The following HDAC9 variants were observed in gnomAD, a reference collection of about 807,000 sequenced individuals.
HDAC9 encodes histone deacetylase 9.
In HDAC9, 41 loss-of-function variants were observed where a neutral mutation model predicts 139.4. That is an observed-to-expected ratio of 0.29 (90% CI 0.23 to 0.38). The LOEUF (loss-of-function observed/expected upper bound fraction) is 0.38, where lower values mean the gene tolerates loss of function less well. Among genes scored for constraint, HDAC9 ranks in the 10% least tolerant of loss-of-function variants. The pLI, the probability that HDAC9 is intolerant of heterozygous loss-of-function variation, is 1.00. For synonymous variants in HDAC9, 517 were observed against 476.2 expected (o/e 1.09, Z -1.12); for missense variants, 1,147 against 1,297.0 (o/e 0.88, Z 1.78).
chr7:18,359,459 G>T (rs1050724766), intron 1 of HDAC9, among the ~76,000 whole-genome samples: 1 of 152,136 alleles, frequency 6.6e-6, no homozygotes, highest in Non-Finnish European at 1.5e-5. Context: ...CCACTAACCT[G>T]CTTTTCCTCA....
At chr7:18,766,407 T>C (rs1789835862) in intron 15 of HDAC9, among the ~76,000 whole-genome samples, 1 of 152,186 alleles carries the variant, frequency 6.6e-6, no homozygotes, top group African/African-American at 2.4e-5. Context: ...TTCTAAGAGA[T>C]ACTCACAATT....
intron 2 of HDAC9, among the ~76,000 whole-genome samples, chr7:18,196,968 A>G (rs550713763): frequency 3.3e-5 from 5 of 152,322 alleles, no homozygotes; most frequent in Non-Finnish European, 5.9e-5. Flanking sequence ...TGAGGCTGAC[A>G]TTTAAATCAG....
At chr7:18,794,159 C>A (rs1792574945) in intron 17 of HDAC9, among the ~76,000 whole-genome samples, 1 of 152,112 alleles carries the variant, frequency 6.6e-6, no homozygotes, top group Non-Finnish European at 1.5e-5. Flanking sequence ...ATGCAGTTAC[C>A]CCAATAAACT....
intron 22 of HDAC9, among the ~76,000 whole-genome samples, chr7:18,912,804 A>G (rs1014888332): frequency 1.3e-5 from 2 of 152,116 alleles, no homozygotes; most frequent in East Asian, 1.9e-4. Flanking sequence ...GTAATCCCCT[A>G]TTACTCAGAA....
At chr7:18,647,309 C>A (rs1355311569) in intron 9 of HDAC9, among the ~76,000 whole-genome samples, 1 of 152,098 alleles carries the variant, frequency 6.6e-6, no homozygotes, top group South Asian at 2.1e-4. Flanking sequence ...TGGTTTACAA[C>A]ATAATGATTT....
At chr7:18,686,117 G>T (rs1332698622) in intron 12 of HDAC9, among the ~76,000 whole-genome samples, 2 of 151,990 alleles carry the variant, frequency 1.3e-5, no homozygotes, top group African/African-American at 2.4e-5. Flanking sequence ...AGGTTGAGAG[G>T]CTGGCTTGGA....
intron 2 of HDAC9, among the ~76,000 whole-genome samples, chr7:18,229,044 G>A (rs941376520): frequency 6.6e-6 from 1 of 152,140 alleles, no homozygotes; most frequent in Non-Finnish European, 1.5e-5. Context: ...AATTACAAAT[G>A]CAAAATTAGT....
intron 1 of HDAC9, among the ~76,000 whole-genome samples, chr7:18,370,112 C>T (rs892830656): frequency 3.9e-5 from 6 of 152,104 alleles, no homozygotes; most frequent in South Asian, 2.1e-4. Flanking sequence ...ATGAATGGAG[C>T]GCAGGCTATT....
At chr7:18,646,312 C>T (rs1389543912) in intron 9 of HDAC9, among the ~76,000 whole-genome samples, 1 of 152,004 alleles carries the variant, frequency 6.6e-6, no homozygotes, top group Non-Finnish European at 1.5e-5. Context: ...AAATTTTTTC[C>T]CAAAGGACCA....
rs79512836 is a variant in HDAC9, at chr7:18,231,002, T to A, written c.25+68653T>A. 6.4e-3 allele frequency among the ~76,000 whole-genome samples: 976 copies of A among 152,264 alleles called. 16 individuals are homozygous for A. The highest frequency in any genetic ancestry group is 0.023 in the African/African-American group (942 of 41,550). Reference sequence around the variant, plus strand: ...GCAAAGCTCAGGCAACTAAGGTTAATGGAGGTGAAGGTTGGGGCTAGTTTA... The same window carrying A: ...GCAAAGCTCAGGCAACTAAGGTTAAAGGAGGTGAAGGTTGGGGCTAGTTTA... On this transcript the variant is annotated intron_variant, in intron 2 of 12. Coordinates refer to the HDAC9 transcript ENST00000417496.
chr7:18,930,902 T>C (rs1804680929), intron 22 of HDAC9, among the ~76,000 whole-genome samples: 1 of 152,226 alleles, frequency 6.6e-6, no homozygotes, highest in Non-Finnish European at 1.5e-5. Context: ...TTTTTTTCAT[T>C]GCCAGAGGAA....
At chr7:18,197,686 A>T (rs1790824178) in intron 2 of HDAC9, among the ~76,000 whole-genome samples, 1 of 152,156 alleles carries the variant, frequency 6.6e-6, no homozygotes, top group South Asian at 2.1e-4. Flanking sequence ...CTCTCTTGAC[A>T]TTGGTTTGTC....
At chr7:18,611,075 G>A (rs1264278639) in intron 6 of HDAC9, among the ~76,000 whole-genome samples, 4 of 152,128 alleles carry the variant, frequency 2.6e-5, no homozygotes, top group Non-Finnish European at 5.9e-5. Context: ...TTTATGAGAT[G>A]AAAGCTGTAT....
At chr7:18,863,772 C>T (rs553030937) in intron 21 of HDAC9, among the ~76,000 whole-genome samples, 4 of 151,862 alleles carry the variant, frequency 2.6e-5, no homozygotes, top group African/African-American at 7.2e-5. Context: ...GTGGGGTAGG[C>T]GTGGGAAGGG....
rs925702096 is a variant in HDAC9, at chr7:18,594,006, A to G, written c.641A>G (p.Asp214Gly). 3.7e-6 allele frequency: 6 copies of G among 1,612,656 alleles called. No homozygotes were observed. Among genetic ancestry groups the G allele is most frequent in the Non-Finnish European group, 5.1e-6 (6 of 1,178,978 alleles). The part of the protein sequence containing the change: ...YTLPGAQDAK[D>G]DFPLRKTASE... ...TTACCAGGAGCACAAGATGCAAAGG[A>G]TGATTTCCCCCTTCGAAAAACTGGT... The change falls in exon 6 of 26, where the codon GAT becomes GGT. Residue 214 changes from aspartate (D) to glycine (G), a missense_variant. Asp to Gly is a moderately conservative substitution (Grantham distance 94, BLOSUM62 -1). Coordinates refer to ENST00000686413, the MANE Select transcript of HDAC9 (RefSeq NM_178425.4).
At chr7:18,502,062 C>T (rs1233446594) in intron 2 of HDAC9, among the ~76,000 whole-genome samples, 1 of 152,126 alleles carries the variant, frequency 6.6e-6, no homozygotes, top group African/African-American at 2.4e-5. Context: ...AAGATTGGAT[C>T]CTCCAATGGT....
At chr7:18,601,182 C>G (rs890442856) in intron 6 of HDAC9, among the ~76,000 whole-genome samples, 4 of 152,126 alleles carry the variant, frequency 2.6e-5, no homozygotes, top group African/African-American at 9.7e-5. Flanking sequence ...CATTTACATC[C>G]TCTACATAAT....
At chr7:18,966,897 G>A (rs1783893655) in intron 24 of HDAC9, among the ~76,000 whole-genome samples, 1 of 152,128 alleles carries the variant, frequency 6.6e-6, no homozygotes, top group Non-Finnish European at 1.5e-5. Context: ...TTTGTTTTAT[G>A]TTTTGTTACA....
intron 12 of HDAC9, among the ~76,000 whole-genome samples, chr7:18,693,552 C>G (rs1782820929): frequency 6.6e-6 from 1 of 152,074 alleles, no homozygotes. Context: ...AGAACAGATG[C>G]TTCTGGTGGT....
Sources: allele counts gnomAD v4.1 joint callset (sites outside exome capture counted in the v4.1 genomes callset), GRCh38; gene constraint gnomAD v4.1.1; transcripts MANE v1.5; gene names NCBI Gene and HGNC (gene_info 2026-07-23, HGNC 2026-07-21).